SHANK2: variants seen among roughly 807,000 people sequenced by gnomAD.
SHANK2 encodes SH3 and multiple ankyrin repeat domains 2.
A neutral mutation model predicts 133.7 loss-of-function variants in SHANK2; 43 were observed. That is an observed-to-expected ratio of 0.32 (90% CI 0.25 to 0.41). The LOEUF (loss-of-function observed/expected upper bound fraction) is 0.41. SHANK2 is among the 10% of genes least tolerant of loss of function. The pLI, the probability that SHANK2 is intolerant of heterozygous loss-of-function variation, is 1.00. For missense variants in SHANK2, 1,994 were observed against 2,235.8 expected (o/e 0.89, Z 2.18); for synonymous variants, 1,017 against 952.8 (o/e 1.07, Z -1.24).
intron 17 of SHANK2, among the ~76,000 whole-genome samples, chr11:70,624,855 T>C (rs496685): frequency 0.6 from 91,907 of 152,036 alleles, 28,118 homozygotes; most frequent in Middle Eastern, 0.71. Context: ...GCGAAATGCC[T>C]CCACCCAGAG....
chr11:70,790,897 C>T (rs1555047852), intron 14 of SHANK2, among the ~76,000 whole-genome samples: 1 of 152,144 alleles, frequency 6.6e-6, no homozygotes, highest in African/African-American at 2.4e-5. Flanking sequence ...AGCGTTTCTC[C>T]ATTCTCTCTC....
chr11:70,608,512 C>A (rs907911869), intron 17 of SHANK2, among the ~76,000 whole-genome samples: 10 of 152,188 alleles, frequency 6.6e-5, no homozygotes, highest in Admixed American at 5.9e-4. Context: ...TTTCCCTGAG[C>A]CTCAGCTTCT....
rs368631910 is a variant in SHANK2, at chr11:70,485,324, G to T, written c.4969C>A (p.Leu1657Ile). The T allele has an allele frequency of 2.5e-6, 4 of 1,613,808 alleles. No homozygotes were observed. Residue 1657 changes from leucine (L) to isoleucine (I), a missense_variant, in exon 25 of 26, where the codon CTC becomes ATC. Physicochemically the swap from Leu to Ile is conservative, Grantham distance 5. This residue lies in a region of SHANK2 where 797 missense variants were observed against 907.4 expected (regional missense o/e 0.88). Transcript: ENST00000601538. The surrounding 1 kb of genome is among the most constrained non-coding windows in gnomAD (Gnocchi z 5.8). ...DSPMGAKSAS[L>I]APRSPEIMST... is the part of the protein sequence containing the mutation. ...CAACCGCGGACTTACCTTGGAGCGAGGCTGGCGGACTTGGCTCCCATTGGT... is the reference window on the plus strand; with the variant it reads ...CAACCGCGGACTTACCTTGGAGCGATGCTGGCGGACTTGGCTCCCATTGGT...
rs117944776 is a variant in SHANK2 at position 70,680,822 on chromosome 11, G to A, written c.1853+17866C>T. 2.3e-4 allele frequency among the ~76,000 whole-genome samples: 35 copies of A among 152,322 alleles called. 1 individual carries two copies. In the East Asian group the frequency reaches 6.7e-3, roughly 29 times the overall value. On this transcript the variant is annotated intron_variant, in intron 15 of 25. Transcript: ENST00000601538. ...AACAATCTTTCGCAGATTGTGGGCT[G>A]ACTCATCCAACTGCAGGCACCGTCC...
At chr11:70,812,144 G>A (rs546180504) in intron 12 of SHANK2, among the ~76,000 whole-genome samples, 2 of 152,218 alleles carry the variant, frequency 1.3e-5, no homozygotes, top group Non-Finnish European at 2.9e-5. Flanking sequence ...ACCAGAGTGC[G>A]TGTCACTTGA....
At chr11:71,147,704 C>A (rs782410858) in intron 2 of SHANK2, among the ~76,000 whole-genome samples, 6 of 152,216 alleles carry the variant, frequency 3.9e-5, no homozygotes, top group Non-Finnish European at 5.9e-5. Context: ...GCTGTCTGAG[C>A]TACCCAAGGT....
chr11:71,139,242 C>T (rs1195484226), intron 3 of SHANK2, among the ~76,000 whole-genome samples: 3 of 151,808 alleles, frequency 2.0e-5, no homozygotes, highest in Non-Finnish European at 2.9e-5. Flanking sequence ...CAGGGAGAGG[C>T]GGATGCGGGG....
intron 23 of SHANK2, 91 bp from the exon 24 acceptor site, chr11:70,489,439 G>T: frequency 1.6e-6 from 2 of 1,273,990 alleles, no homozygotes; most frequent in Non-Finnish European, 2.3e-6. Context: ...GGAGCTTTAA[G>T]CACAGCAGAC....
At chr11:70,650,716 C>T (rs1555009910) in intron 17 of SHANK2, among the ~76,000 whole-genome samples, 1 of 152,198 alleles carries the variant, frequency 6.6e-6, no homozygotes, top group African/African-American at 2.4e-5. Context: ...CTCAGTTCTG[C>T]CTGCAAAAAC....
At chr11:70,806,785 C>T (rs782068489) in intron 13 of SHANK2, among the ~76,000 whole-genome samples, 12 of 152,216 alleles carry the variant, frequency 7.9e-5, no homozygotes, top group African/African-American at 1.4e-4. Context: ...GTGTCCCCTT[C>T]GATCCCTGAG....
At chr11:70,626,554 C>G (rs2136490191) in intron 17 of SHANK2, among the ~76,000 whole-genome samples, 1 of 152,332 alleles carries the variant, frequency 6.6e-6, no homozygotes, top group Non-Finnish European at 1.5e-5. Flanking sequence ...AGCTCTAGTC[C>G]TCGGCCAGAG....
At chr11:71,147,075 T>G in intron 3 of SHANK2, 45 bp downstream of exon 3, 67 of 1,482,786 alleles carry the variant, frequency 4.5e-5, no homozygotes, top group Non-Finnish European at 5.6e-5. Flanking sequence ...AAGCCACAGG[T>G]GACATTGTCC....
In SHANK2 at chr11:71,092,425, G is replaced by A. The variant is rs1555094245; in HGVS notation, c.909C>T (p.His303=). 2 of 1,551,350 alleles carry A rather than the reference G, an allele frequency of 1.3e-6. No individual in the cohort carries two copies. Among genetic ancestry groups the A allele is most frequent in the Non-Finnish European group, 1.7e-6 (2 of 1,146,880 alleles). Residue 303 remains histidine (H), a synonymous_variant, in exon 8 of 26, where the codon CAC becomes CAT. Transcript: ENST00000601538. ...GTGGAGAAGCGGGCCCACGTACCTG[G>A]TGGATCTCGTGCCAGCCGTTCTCAT... ...CKDENGWHEI[H]QACRYGHVQH... is the part of the protein sequence containing the mutation.
chr11:70,661,877 C>G (rs1021571853), intron 15 of SHANK2, 199 bp from the exon 16 acceptor site: 86 of 1,476,702 alleles, frequency 5.8e-5, no homozygotes, highest in Admixed American at 4.6e-4. Flanking sequence ...GATAGGCGAG[C>G]GTGGCACAAT....
At chr11:70,512,848 T>C (rs1417171551) in intron 17 of SHANK2, among the ~76,000 whole-genome samples, 1 of 152,220 alleles carries the variant, frequency 6.6e-6, no homozygotes, top group Non-Finnish European at 1.5e-5. Context: ...TCTCCCCAAA[T>C]AGAGTTAGGA....
intron 14 of SHANK2, among the ~76,000 whole-genome samples, chr11:70,724,846 C>G (rs1206272123): frequency 1.3e-5 from 2 of 152,176 alleles, no homozygotes; most frequent in African/African-American, 2.4e-5. Context: ...ACGGGGTGAT[C>G]AGGTAGCAGA....
chr11:70,872,030 T>C (rs540193749), intron 11 of SHANK2, among the ~76,000 whole-genome samples: 7 of 152,290 alleles, frequency 4.6e-5, no homozygotes, highest in South Asian at 2.1e-4. Context: ...TGCCTTGGCA[T>C]GTGCACGCTG....
At position 70,693,855 on chromosome 11, in the gene SHANK2, T is replaced by C. The variant is rs140185089; in HGVS notation, c.1853+4833A>G. Reference sequence around the variant, plus strand: ...AGATACATATGGATGGAAGGATTCATACATGGATGGATGAATGGATAGATG... The same window carrying C: ...AGATACATATGGATGGAAGGATTCACACATGGATGGATGAATGGATAGATG... On this transcript the variant is annotated intron_variant, in intron 15 of 25. Coordinates refer to ENST00000601538, the MANE Select transcript of SHANK2 (RefSeq NM_012309.5). 1.1e-3 allele frequency among the ~76,000 whole-genome samples: 163 copies of C among 152,256 alleles called. 1 individual carries two copies. Among genetic ancestry groups the C allele is most frequent in the African/African-American group, 3.8e-3 (159 of 41,552 alleles).
chr11:70,611,267 T>C (rs2136386341), intron 17 of SHANK2, among the ~76,000 whole-genome samples: 1 of 152,298 alleles, frequency 6.6e-6, no homozygotes. Flanking sequence ...AGTTTATCAG[T>C]GTTGCAAAGG....
Sources: gnomAD v4.1 joint callset for allele counts (sites outside exome capture counted in the v4.1 genomes callset) on GRCh38, gnomAD v4.1.1 for gene constraint, gnomAD v4.1.1 regional missense constraint, Gnocchi (gnomAD v3.1) non-coding constraint, MANE v1.5 for transcripts, NCBI Gene and HGNC (gene_info 2026-07-23, HGNC 2026-07-21) for gene names.